The following MKKS variants were observed in gnomAD, a reference collection of about 807,000 sequenced individuals.
MKKS encodes the protein molecular chaperone MKKS.
A neutral mutation model predicts 33.2 loss-of-function variants in MKKS; 29 were observed. That is an observed-to-expected ratio of 0.87 (90% CI 0.65 to 1.19). The LOEUF (loss-of-function observed/expected upper bound fraction) is 1.19. MKKS is among the 50% of genes most tolerant of loss of function. The pLI is 0.00. For synonymous variants in MKKS, 260 were observed against 244.0 expected (o/e 1.07, Z -0.61); for missense variants, 661 against 662.3 (o/e 1.00, Z 0.02).
intron 2 of MKKS, among the ~76,000 whole-genome samples, chr20:10,414,867 C>A (rs571570297): frequency 6.6e-6 from 1 of 152,108 alleles, no homozygotes; most frequent in Admixed American, 6.5e-5. Context: ...TATCATTTTA[C>A]GTTATCAATC....
In MKKS at chr20:10,408,548, GA is replaced by G. The variant is rs901132300; in HGVS notation, c.1161+79del. ...TTTCTATACTACCTAGGGAAGCTAC[GA>G]AAAAAAAATCATAATAACTATTGAG... is the stretch of plus-strand genomic sequence containing the variant. On this transcript the variant is annotated intron_variant, in intron 4 of 5. Coordinates refer to ENST00000347364, the MANE Select transcript of MKKS (RefSeq NM_170784.3). 2.9e-4 allele frequency: 422 copies of G among 1,449,996 alleles called. 3 individuals carry two copies. Among genetic ancestry groups the G allele is most frequent in the South Asian group, 1.9e-3 (160 of 86,110 alleles). 89.8% of individuals were successfully genotyped at this position (1,449,996 alleles called of 1,614,324 possible).
At chr20:10,420,044 T>C (rs968015461) in intron 2 of MKKS, among the ~76,000 whole-genome samples, 19 of 152,196 alleles carry the variant, frequency 1.2e-4, no homozygotes, top group African/African-American at 4.3e-4. Flanking sequence ...TTTGGAATTA[T>C]GGATAAGGGA....
chr20:10,427,223 A>C (rs1458553563), intron 1 of MKKS, among the ~76,000 whole-genome samples: 1 of 152,174 alleles, frequency 6.6e-6, no homozygotes, highest in Non-Finnish European at 1.5e-5. Context: ...ATTAGGCCTA[A>C]AATAACTTGG....
chr20:10,433,726 T>C (rs999448854), intron 1 of MKKS, among the ~76,000 whole-genome samples: 63 of 151,928 alleles, frequency 4.1e-4, no homozygotes, highest in African/African-American at 1.2e-3. Flanking sequence ...GGGTACACCG[T>C]GCACCCTCCA....
At chr20:10,433,562 T>C (rs2065071188) in intron 1 of MKKS, among the ~76,000 whole-genome samples, 1 of 152,150 alleles carries the variant, frequency 6.6e-6, no homozygotes. Context: ...GGTATGGTCT[T>C]ATCGGGGAGG....
In MKKS at chr20:10,405,270, A is replaced by C; in HGVS notation, c.1690T>G (p.Tyr564Asp). 1 of 1,612,942 alleles carries C rather than the reference A, an allele frequency of 6.2e-7. No homozygotes were observed. The highest frequency in any genetic ancestry group is 8.5e-7 in the Non-Finnish European group (1 of 1,179,450). The change falls in exon 6 of 6, where the codon TAT becomes GAT. Residue 564 changes from tyrosine (Y) to aspartate (D), a missense_variant. Transcript: ENST00000347364. Reference sequence around the variant, plus strand: ...TCTTAGTTTTTATCTTCAATAACATATGAAAGATCCAAAATCAAATTGGCT... The same window carrying C: ...TCTTAGTTTTTATCTTCAATAACATCTGAAAGATCCAAAATCAAATTGGCT... The part of the protein sequence containing the change: ...ETANLILDLS[Y>D]VIEDKN
chr20:10,410,041 T>A (rs1409785346), intron 3 of MKKS, among the ~76,000 whole-genome samples: 1 of 138,824 alleles, frequency 7.2e-6, no homozygotes, highest in African/African-American at 2.7e-5. Flanking sequence ...TCTCAAAAAA[T>A]TTATAGAATA....
intron 2 of MKKS, among the ~76,000 whole-genome samples, chr20:10,416,225 A>C (rs957540719): frequency 1.3e-5 from 2 of 152,214 alleles, no homozygotes; most frequent in Non-Finnish European, 2.9e-5. Flanking sequence ...CTTCTAAATT[A>C]AGAGGTGCAC....
chr20:10,428,406 C>A (rs3790155), intron 1 of MKKS, among the ~76,000 whole-genome samples: 1 of 152,046 alleles, frequency 6.6e-6, no homozygotes, highest in South Asian at 2.1e-4. Context: ...CCATTTCTAC[C>A]CTTCATCATT....
intron 1 of MKKS, among the ~76,000 whole-genome samples, chr20:10,432,519 G>T (rs6108574): frequency 0.52 from 79,469 of 151,982 alleles, 21,376 homozygotes; most frequent in Non-Finnish European, 0.58. Flanking sequence ...TAGGCCAGAC[G>T]CCGTGGGTCA....
rs201758407 is a variant in MKKS at position 10,405,546 on chromosome 20, T to C, written c.1414A>G (p.Met472Val). Reference protein sequence around the residue: ...EHDGGEILTDMKYGHLWSVQA... With the variant: ...EHDGGEILTDVKYGHLWSVQA... ...ACTGACCAAAGGTGTCCATACTTCATGTCAGTGAGAATTTCACCTCCATCA... is the reference window on the plus strand; with the variant it reads ...ACTGACCAAAGGTGTCCATACTTCACGTCAGTGAGAATTTCACCTCCATCA... The change falls in exon 6 of 6, where the codon ATG (methionine) becomes GTG (valine). Residue 472 changes from methionine to valine, a missense_variant. Physicochemically the swap from Met to Val is conservative, Grantham distance 21. Coordinates refer to ENST00000347364, the MANE Select transcript of MKKS (RefSeq NM_170784.3). 3 of 1,614,204 alleles carry C rather than the reference T, an allele frequency of 1.9e-6. No homozygotes were observed. The highest frequency in any genetic ancestry group is 1.3e-5 in the African/African-American group (1 of 75,060).
intron 1 of MKKS, among the ~76,000 whole-genome samples, chr20:10,421,332 G>C (rs1162867272): frequency 6.6e-6 from 1 of 151,158 alleles, no homozygotes; most frequent in East Asian, 1.9e-4. Flanking sequence ...GCTGAGTCAG[G>C]AGACTTGCTT....
chr20:10,428,301 GC>G (rs2065030033), intron 1 of MKKS, among the ~76,000 whole-genome samples: 1 of 152,186 alleles, frequency 6.6e-6, no homozygotes, highest in African/African-American at 2.4e-5. Context: ...CATGCAGATA[GC>G]CAGATTGTTC....
At chr20:10,409,764 A>G (rs962852987) in intron 3 of MKKS, among the ~76,000 whole-genome samples, 3 of 151,856 alleles carry the variant, frequency 2.0e-5, no homozygotes, top group Admixed American at 1.3e-4. Flanking sequence ...TAAGGTCAGG[A>G]GTTCGAGACC....
At chr20:10,431,577 C>G (rs2065054018) in intron 1 of MKKS, 1 of 152,168 alleles carries the variant, frequency 6.6e-6, no homozygotes, top group African/African-American at 2.4e-5. Flanking sequence ...CAAACCCGCA[C>G]AAAAAACTGC....
At chr20:10,429,539 A>G (rs1393703636) in intron 1 of MKKS, among the ~76,000 whole-genome samples, 2 of 152,130 alleles carry the variant, frequency 1.3e-5, no homozygotes, top group Non-Finnish European at 2.9e-5. Flanking sequence ...TCATATAAAA[A>G]TAAGTCCTCT....
chr20:10,421,003 G>T (rs1466903386), intron 1 of MKKS, among the ~76,000 whole-genome samples: 2 of 152,200 alleles, frequency 1.3e-5, no homozygotes, highest in East Asian at 3.8e-4. Context: ...CAATTGCAAA[G>T]GAGCAACATT....
In MKKS at chr20:10,412,517, G is replaced by C; in HGVS notation, c.985+13C>G. 4 of 1,612,362 alleles carry C rather than the reference G, an allele frequency of 2.5e-6. 1 individual carries two copies. Among genetic ancestry groups the C allele is most frequent in the South Asian group, 2.2e-5 (2 of 91,032 alleles). ...ATTAACTGTAAGAGGCAAAAGCAAA[G>C]AGTGATTTTTACCTGTCATTTTAGT... On this transcript the variant is annotated intron_variant, in intron 3 of 5. Transcript: ENST00000347364.
Position 10,405,195 on chromosome 20 carries a change from T to C in MKKS, c.*52A>G. 6.9e-7 allele frequency: 1 copy of C among 1,441,930 alleles called. No homozygotes were observed. The highest frequency in any genetic ancestry group is 2.4e-5 in the East Asian group (1 of 41,376). 89.3% of individuals were successfully genotyped at this position (1,441,930 alleles called of 1,614,324 possible). A position where few individuals can be genotyped will look rare whatever the true frequency, so the allele number is the denominator to read the frequency against. On this transcript the variant is annotated 3_prime_UTR_variant, in exon 6 of 6. Coordinates refer to ENST00000347364, the MANE Select transcript of MKKS (RefSeq NM_170784.3). ...AAATACACTCACAATTTTTCTCAAT[T>C]GCCAACAGACTAGTTTATTTGTTTC...
Sources: allele counts gnomAD v4.1 joint callset (sites outside exome capture counted in the v4.1 genomes callset), GRCh38; gene constraint gnomAD v4.1.1; transcripts MANE v1.5; gene names NCBI Gene and HGNC (gene_info 2026-07-23, HGNC 2026-07-21).